Variants in NMNAT1 observed in about 807,000 individuals in gnomAD.
NMNAT1 encodes the protein nicotinamide nucleotide adenylyltransferase 1.
NMNAT1 carries 11 observed loss-of-function variants against 16.7 expected under a neutral mutation model. That is an observed-to-expected ratio of 0.66 (90% CI 0.41 to 1.09). NMNAT1 has a LOEUF of 1.09. Ranked by LOEUF, NMNAT1 falls within the 50% of genes least tolerant of loss-of-function variation. The probability of loss-of-function intolerance (pLI) is 0.00; values close to 1 mark genes in which losing one functional copy is unlikely to be tolerated. For missense variants in NMNAT1, 280 were observed against 332.3 expected (o/e 0.84, Z 1.22); for synonymous variants, 110 against 119.8 (o/e 0.92, Z 0.53).
the NMNAT1 span, among the ~76,000 whole-genome samples, chr1:9,992,920 A>G: frequency 6.6e-6 from 1 of 152,126 alleles, no homozygotes; most frequent in South Asian, 2.1e-4. Context: ...TCAAAAAAGA[A>G]GAAAAAGAAA....
chr1:9,958,956 T>C (rs1049447566), intron 1 of NMNAT1, among the ~76,000 whole-genome samples: 19 of 152,194 alleles, frequency 1.2e-4, no homozygotes, highest in Admixed American at 1.1e-3. Context: ...AAACTGACTG[T>C]TAACTGACAA....
At position 9,975,747 on chromosome 1, in the gene NMNAT1, G is replaced by A. The variant is rs1271498710; in HGVS notation, c.271G>A (p.Glu91Lys). The A allele has an allele frequency of 1.2e-6, 2 of 1,613,686 alleles. No individual in the cohort carries two copies. The highest frequency in any genetic ancestry group is 1.7e-6 in the Non-Finnish European group (2 of 1,179,836). ...TGATACATGGGAAAGTCTTCAGAAG[G>A]AGTGGAAAGAGACTCTGAAGGTGCT... ...EVDTWESLQK[E>K]WKETLKVLRH... is the part of the protein sequence containing the mutation. The change falls in exon 3 of 5, where the codon GAG (glutamate) becomes AAG (lysine). Residue 91 changes from glutamate (E) to lysine (K), a missense_variant. Glu to Lys is a moderately conservative substitution (Grantham distance 56). Transcript: ENST00000377205.
At position 9,970,363 on chromosome 1, in the gene NMNAT1, C is replaced by G. The variant is rs115925904; in HGVS notation, c.-56-1655C>G. Among the ~76,000 whole-genome samples the G allele has an allele frequency of 4.2e-3, 636 of 151,834 alleles. 7 individuals are homozygous for G. Among genetic ancestry groups the G allele is most frequent in the African/African-American group, 0.015 (599 of 41,284 alleles). ...GTTTTCATTAAGGGCCTTTTTTACC[C>G]TGTGATGTTCTAGATCTATATATAT... On this transcript the variant is annotated intron_variant, in intron 1 of 4. Coordinates refer to ENST00000377205, the MANE Select transcript of NMNAT1 (RefSeq NM_022787.4).
intron 1 of NMNAT1, chr1:9,949,492 C>T (rs1641057728): frequency 1.4e-5 from 2 of 145,960 alleles, no homozygotes; most frequent in South Asian, 4.4e-4. Context: ...TCACTGCAAC[C>T]TCCACCTCCT....
upstream of NMNAT1, chr1:9,942,990 T>C (rs1169663120): frequency 4.4e-5 from 15 of 344,224 alleles, no homozygotes; most frequent in Non-Finnish European, 8.1e-5. Flanking sequence ...CGGACACGCC[T>C]TGAGGGATGG....
intron 1 of NMNAT1, among the ~76,000 whole-genome samples, chr1:9,946,530 T>C (rs1351048115): frequency 6.6e-6 from 1 of 152,182 alleles, no homozygotes; most frequent in Non-Finnish European, 1.5e-5. Flanking sequence ...AGATGAAACT[T>C]GAGTGGCTAA....
chr1:9,975,746 G>A lies in NMNAT1; in HGVS notation c.270G>A (p.Lys90=), dbSNP rs749272184. The change falls in exon 3 of 5, where the codon AAG becomes AAA. Residue 90 remains lysine, a synonymous_variant. Coordinates refer to ENST00000377205, the MANE Select transcript of NMNAT1 (RefSeq NM_022787.4). ...TTGATACATGGGAAAGTCTTCAGAA[G>A]GAGTGGAAAGAGACTCTGAAGGTGC... ...VEVDTWESLQ[K]EWKETLKVLR... The A allele has an allele frequency of 6.2e-7, 1 of 1,613,760 alleles. No homozygotes were observed. Among genetic ancestry groups the A allele is most frequent in the Non-Finnish European group, 8.5e-7 (1 of 1,179,854 alleles).
At chr1:9,949,033 G>A (rs1641043862) in intron 1 of NMNAT1, among the ~76,000 whole-genome samples, 1 of 151,012 alleles carries the variant, frequency 6.6e-6, no homozygotes, top group Non-Finnish European at 1.5e-5. Flanking sequence ...ACTTTGGGAG[G>A]CCGAGGCAGG....
intron 3 of NMNAT1, among the ~76,000 whole-genome samples, chr1:9,978,792 T>C (rs961664930): frequency 6.6e-6 from 1 of 152,176 alleles, no homozygotes; most frequent in African/African-American, 2.4e-5. Flanking sequence ...TGGGTAACAT[T>C]GCACAGTTTG....
intron 1 of NMNAT1, among the ~76,000 whole-genome samples, chr1:9,969,353 G>A (rs898522946): frequency 6.6e-6 from 1 of 152,164 alleles, no homozygotes; most frequent in Non-Finnish European, 1.5e-5. Flanking sequence ...GAAATTAAGA[G>A]TGTAATGGCA....
chr1:9,989,151 C>G (rs1642080211), downstream of NMNAT1, among the ~76,000 whole-genome samples: 1 of 152,030 alleles, frequency 6.6e-6, no homozygotes, highest in Non-Finnish European at 1.5e-5. Flanking sequence ...TGGCCCACCC[C>G]CCATCCTGTG....
At chr1:9,955,403 C>CAAAAAAAAAAAAAA (rs71583829) in intron 1 of NMNAT1, among the ~76,000 whole-genome samples, 1 of 90,820 alleles carries the variant, frequency 1.1e-5, no homozygotes. Flanking sequence ...GACTTTGTCT[C>CAAAAAAAAAAAAAA]AAAAAAAAAA....
At chr1:9,970,070 C>A (rs990784193) in intron 1 of NMNAT1, among the ~76,000 whole-genome samples, 1 of 152,014 alleles carries the variant, frequency 6.6e-6, no homozygotes, top group African/African-American at 2.4e-5. Context: ...AGAAGTAATG[C>A]CTTTGAAGTT....
chr1:9,968,128 G>A (rs1234064030), intron 1 of NMNAT1, among the ~76,000 whole-genome samples: 1 of 145,158 alleles, frequency 6.9e-6, no homozygotes, highest in Non-Finnish European at 1.5e-5. Flanking sequence ...CTGGAGTGCA[G>A]TGGCACGATC....
intron 1 of NMNAT1, chr1:9,950,777 C>T (rs1039588941): frequency 6.6e-6 from 1 of 151,994 alleles, no homozygotes; most frequent in African/African-American, 2.4e-5. Context: ...TTCTTAGCTT[C>T]TTGGATCTCT....
chr1:9,957,088 G>C (rs1297526756), intron 1 of NMNAT1, among the ~76,000 whole-genome samples: 2 of 151,996 alleles, frequency 1.3e-5, no homozygotes, highest in African/African-American at 4.8e-5. Context: ...GGAGTTCAAT[G>C]GTGGGATATC....
chr1:9,969,620 G>A (rs949135218), intron 1 of NMNAT1, among the ~76,000 whole-genome samples: 1 of 152,104 alleles, frequency 6.6e-6, no homozygotes, highest in African/African-American at 2.4e-5. Context: ...GTGTGGTGGT[G>A]CATGCCTGTA....
intron 1 of NMNAT1, among the ~76,000 whole-genome samples, chr1:9,961,758 C>T (rs556960189): frequency 2.0e-5 from 3 of 152,030 alleles, no homozygotes; most frequent in African/African-American, 7.2e-5. Context: ...TGCCTTCTTT[C>T]GAGAAGGCCC....
At chr1:9,957,924 A>T (rs1445155191) in intron 1 of NMNAT1, among the ~76,000 whole-genome samples, 1 of 152,212 alleles carries the variant, frequency 6.6e-6, no homozygotes, top group Non-Finnish European at 1.5e-5. Context: ...CCCTGCAGAC[A>T]TAAGCTAACG....
Sources: gnomAD v4.1 joint callset for allele counts (sites outside exome capture counted in the v4.1 genomes callset) on GRCh38, gnomAD v4.1.1 for gene constraint, MANE v1.5 for transcripts, NCBI Gene and HGNC (gene_info 2026-07-23, HGNC 2026-07-21) for gene names.